The following ABCC9 variants were observed in gnomAD, a reference collection of about 807,000 sequenced individuals.
ABCC9 encodes ATP binding cassette subfamily C member 9, also known as ATP-binding cassette sub-family C member 9.
Under a neutral mutation model 188.3 loss-of-function variants are expected in ABCC9, and 95 were observed. That is an observed-to-expected ratio of 0.50 (90% CI 0.43 to 0.60). The LOEUF (loss-of-function observed/expected upper bound fraction) is 0.60. ABCC9 is among the 20% of genes least tolerant of loss of function. ABCC9 has a pLI of 0.00. For missense variants in ABCC9, 1,102 were observed against 1,876.3 expected (o/e 0.59, Z 7.62); for synonymous variants, 659 against 652.7 (o/e 1.01, Z -0.15).
intron 29 of ABCC9, among the ~76,000 whole-genome samples, chr12:21,839,631 A>G (rs1445739686): frequency 6.6e-6 from 1 of 152,168 alleles, no homozygotes; most frequent in Non-Finnish European, 1.5e-5. Context: ...AATGCATTCC[A>G]TTTTTTACTT....
chr12:21,804,425 A>G (rs1041781827), intron 39 of ABCC9, among the ~76,000 whole-genome samples: 2 of 152,236 alleles, frequency 1.3e-5, no homozygotes, highest in African/African-American at 4.8e-5. Context: ...ATTTTGGGGC[A>G]ACAGGGAGTT....
chr12:21,805,035 T>G, intron 39 of ABCC9: 1 of 1,297,896 alleles, frequency 7.7e-7, no homozygotes, highest in Non-Finnish European at 1.1e-6. Context: ...GTTGAGCTGA[T>G]TTTGTAATAA....
intron 39 of ABCC9, among the ~76,000 whole-genome samples, chr12:21,805,667 A>G (rs563857462): frequency 6.6e-6 from 1 of 152,300 alleles, no homozygotes; most frequent in South Asian, 2.1e-4. Context: ...GAAACTGCTC[A>G]TCAGACCATC....
At chr12:21,898,498 A>G (rs1240549875) in intron 12 of ABCC9, among the ~76,000 whole-genome samples, 10 of 152,212 alleles carry the variant, frequency 6.6e-5, no homozygotes, top group Non-Finnish European at 1.0e-4. Flanking sequence ...TGTCTAATGT[A>G]TCAAGCATTA....
At chr12:21,864,183 T>C (rs754441768) in intron 19 of ABCC9, among the ~76,000 whole-genome samples, 36 of 152,122 alleles carry the variant, frequency 2.4e-4, no homozygotes, top group Non-Finnish European at 3.8e-4. Flanking sequence ...TTACTGAGGA[T>C]AGTTTGAGTT....
rs1421890995 is a variant in ABCC9, at chr12:21,861,046, A to G, written c.2349T>C (p.Ala783=). The G allele has an allele frequency of 6.2e-7, 1 of 1,613,372 alleles. No homozygotes were observed. Among genetic ancestry groups the G allele is most frequent in the Admixed American group, 1.7e-5 (1 of 59,974 alleles). The change falls in exon 21 of 40, where the codon GCT becomes GCC. Residue 783 remains alanine (A), a synonymous_variant. Transcript: ENST00000261200. ...GSPFNKQRYK[A]VTDACSLQPD... Reference sequence around the variant, plus strand: ...GCTGAAGAGAACAGGCATCTGTGACAGCTTTGTACCTTTGGGAGAAATGAT... The same window carrying G: ...GCTGAAGAGAACAGGCATCTGTGACGGCTTTGTACCTTTGGGAGAAATGAT...
intron 5 of ABCC9, among the ~76,000 whole-genome samples, chr12:21,920,340 C>A (rs867163779): frequency 6.6e-6 from 1 of 152,002 alleles, no homozygotes; most frequent in African/African-American, 2.4e-5. Context: ...TACAGAAAAT[C>A]TTAGGAAACC....
At chr12:21,860,610 CAG>C (rs1945456518) in intron 21 of ABCC9, among the ~76,000 whole-genome samples, 1 of 152,100 alleles carries the variant, frequency 6.6e-6, no homozygotes, top group Non-Finnish European at 1.5e-5. Context: ...TAAGAATAAA[CAG>C]ATTTTCAACA....
intron 15 of ABCC9, among the ~76,000 whole-genome samples, chr12:21,885,879 G>C (rs1396168743): frequency 6.6e-6 from 1 of 152,050 alleles, no homozygotes; most frequent in African/African-American, 2.4e-5. Context: ...TTTTAAACAT[G>C]ATTTAAAAAT....
chr12:21,805,459 G>A, intron 39 of ABCC9: 1 of 714,006 alleles, frequency 1.4e-6, no homozygotes, highest in Middle Eastern at 3.9e-4. Flanking sequence ...GTGGACTACT[G>A]TAAGTGAGCT....
intron 16 of ABCC9, among the ~76,000 whole-genome samples, chr12:21,879,457 T>C (rs1946522987): frequency 6.6e-6 from 1 of 151,798 alleles, no homozygotes; most frequent in African/African-American, 2.4e-5. Context: ...GAGTGGGAAA[T>C]GGGGAGCAAT....
At chr12:21,911,662 C>A (rs1315559338) in intron 8 of ABCC9, among the ~76,000 whole-genome samples, 2 of 151,954 alleles carry the variant, frequency 1.3e-5, no homozygotes, top group African/African-American at 2.4e-5. Flanking sequence ...TCAGTTTGGA[C>A]ACTATTTTCT....
rs727505105 is a variant in ABCC9, at chr12:21,910,991, GA to G, written c.1012-14del. On this transcript the variant is annotated splice_polypyrimidine_tract_variant and intron_variant, in intron 8 of 39. Coordinates refer to ENST00000261200, the MANE Select transcript of ABCC9 (RefSeq NM_020297.4). ...GGGTTTCTGAAATCTGGTCCCCAAA[GA>G]AAAAAAGTGTCATATTAAAACTCGT... 170 of 1,609,914 alleles carry G rather than the reference GA, an allele frequency of 1.1e-4. No individual in the cohort carries two copies. The highest frequency in any genetic ancestry group is 1.4e-4 in the Non-Finnish European group (168 of 1,177,654).
In ABCC9 at chr12:21,831,960, C is replaced by G. The variant is rs553374333; in HGVS notation, c.3567-2900G>C. 2.6e-4 allele frequency among the ~76,000 whole-genome samples: 40 copies of G among 152,252 alleles called. 1 individual carries two copies. In the South Asian group the frequency reaches 5.8e-3, roughly 22 times the overall value. On this transcript the variant is annotated intron_variant, in intron 30 of 39. Coordinates refer to ENST00000261200, the MANE Select transcript of ABCC9 (RefSeq NM_020297.4). Reference sequence around the variant, plus strand: ...TAGTTTTGGGATATTGTTTCAGATCCACTCTTAAAGAGTTTGTAAATGGAG... The same window carrying G: ...TAGTTTTGGGATATTGTTTCAGATCGACTCTTAAAGAGTTTGTAAATGGAG...
chr12:21,811,784 G>T (rs1942256274), intron 36 of ABCC9, among the ~76,000 whole-genome samples: 1 of 152,238 alleles, frequency 6.6e-6, no homozygotes, highest in Non-Finnish European at 1.5e-5. Flanking sequence ...AGAAATGTCT[G>T]CCAAGCATCA....
chr12:21,807,963 A>G (rs1565682968), intron 37 of ABCC9, among the ~76,000 whole-genome samples: 1 of 152,004 alleles, frequency 6.6e-6, no homozygotes, highest in Non-Finnish European at 1.5e-5. Flanking sequence ...TTTTGTCAGA[A>G]TGTCCCTAGT....
chr12:21,815,940 T>G (rs777865384), intron 33 of ABCC9, 47 bp from the exon 34 acceptor site: 2 of 1,548,376 alleles, frequency 1.3e-6, no homozygotes, highest in South Asian at 2.2e-5. Flanking sequence ...CAGATAGAGA[T>G]TGATGTAGAA....
intron 34 of ABCC9, 43 bp downstream of exon 34, chr12:21,815,720 G>A: frequency 1.2e-6 from 2 of 1,606,116 alleles, no homozygotes; most frequent in Non-Finnish European, 1.7e-6. Flanking sequence ...GACTCCCTCA[G>A]AGGTTTTATG....
chr12:21,920,543 C>G (rs1244158740), intron 5 of ABCC9, among the ~76,000 whole-genome samples: 1 of 151,952 alleles, frequency 6.6e-6, no homozygotes, highest in Non-Finnish European at 1.5e-5. Context: ...TCACCTCAAG[C>G]ATTTATCCTT....
Sources: allele counts gnomAD v4.1 joint callset (sites outside exome capture counted in the v4.1 genomes callset), GRCh38; gene constraint gnomAD v4.1.1; transcripts MANE v1.5; gene names NCBI Gene and HGNC (gene_info 2026-07-23, HGNC 2026-07-21).